Variants in ALK observed in about 807,000 individuals in gnomAD.
The protein encoded by ALK is ALK tyrosine kinase receptor.
In ALK, 74 loss-of-function variants were observed where a neutral mutation model predicts 163.1. The ratio of observed to expected loss-of-function variants is 0.45; its 90% CI spans 0.38 to 0.55. The LOEUF is 0.55. ALK is among the 20% of genes least tolerant of loss of function. ALK has a pLI of 0.00. For missense variants in ALK, 2,063 were observed against 2,105.3 expected (o/e 0.98, Z 0.39); for synonymous variants, 960 against 843.2 (o/e 1.14, Z -2.40).
intron 3 of ALK, among the ~76,000 whole-genome samples, chr2:29,672,351 A>G (rs1470897325): frequency 9.2e-6 from 1 of 108,628 alleles, no homozygotes; most frequent in Non-Finnish European, 1.8e-5. Context: ...AACAGTCCCC[A>G]GAGTGTGATG....
At chr2:29,875,837 G>A (rs946149060) in intron 1 of ALK, among the ~76,000 whole-genome samples, 4 of 152,090 alleles carry the variant, frequency 2.6e-5, no homozygotes, top group Non-Finnish European at 5.9e-5. Flanking sequence ...TCATTGATGG[G>A]CATTTTTATT....
chr2:29,373,408 A>G (rs1668681922), intron 5 of ALK, among the ~76,000 whole-genome samples: 1 of 152,152 alleles, frequency 6.6e-6, no homozygotes, highest in African/African-American at 2.4e-5. Flanking sequence ...AAATAGACCA[A>G]TTATTTTAGT....
At position 29,731,059 on chromosome 2, in the gene ALK, G is replaced by T. The variant is rs145694376; in HGVS notation, c.668-13362C>A. 9.4e-3 allele frequency among the ~76,000 whole-genome samples: 1,428 copies of T among 152,302 alleles called. 89 individuals are homozygous for T. The highest frequency in any genetic ancestry group is 0.085 in the Admixed American group (1,307 of 15,296). On this transcript the variant is annotated intron_variant, in intron 1 of 28. Transcript: ENST00000389048. ...AAGCAGGTGGCATGGGTGAGTAAGGGCTTTGAAGGTTGATCTGAGAGCGCC... is the reference window on the plus strand; with the variant it reads ...AAGCAGGTGGCATGGGTGAGTAAGGTCTTTGAAGGTTGATCTGAGAGCGCC...
chr2:29,836,728 A>G (rs571435758), intron 1 of ALK, among the ~76,000 whole-genome samples: 6 of 152,192 alleles, frequency 3.9e-5, no homozygotes, highest in East Asian at 1.9e-4. Context: ...TCCAAAATCT[A>G]TTTACTTTCT....
At chr2:29,315,939 C>T (rs146468725) in intron 8 of ALK, among the ~76,000 whole-genome samples, 1 of 152,224 alleles carries the variant, frequency 6.6e-6, no homozygotes, top group Non-Finnish European at 1.5e-5. Context: ...GAGTCCTGTC[C>T]CCAAAACTCT....
rs144453491 is a variant in ALK at position 29,275,222 on chromosome 2, C to A, written c.1918G>T (p.Gly640Ter). 6.2e-7 allele frequency: 1 copy of A among 1,613,994 alleles called. No homozygotes were observed. Among genetic ancestry groups the A allele is most frequent in the Admixed American group, 1.7e-5 (1 of 59,996 alleles). The change falls in exon 11 of 29, where the codon GGA becomes TGA. Residue 640 changes from glycine to a stop codon, truncating the protein, a stop_gained. Coordinates refer to ENST00000389048, the MANE Select transcript of ALK (RefSeq NM_004304.5). LOFTEE classifies it high-confidence loss of function. ...ISLDCYLTIS[G>*]EDKILQNTAP... ...GTATTCTGCAGGATCTTGTCCTCTC[C>A]GCTAACTGCAATAGAGAAGACCCCA...
intron 3 of ALK, among the ~76,000 whole-genome samples, chr2:29,663,720 CA>C (rs1364584198): frequency 6.6e-6 from 1 of 152,142 alleles, no homozygotes; most frequent in Non-Finnish European, 1.5e-5. Context: ...AAAGATAGGA[CA>C]AAATCTAACT....
intron 3 of ALK, among the ~76,000 whole-genome samples, chr2:29,555,721 C>T (rs1213659220): frequency 6.6e-6 from 1 of 152,194 alleles, no homozygotes; most frequent in African/African-American, 2.4e-5. Flanking sequence ...TTGCATCTTA[C>T]ATCCTAATGG....
chr2:29,627,293 G>A (rs1004299819), intron 3 of ALK, among the ~76,000 whole-genome samples: 5 of 152,152 alleles, frequency 3.3e-5, no homozygotes, highest in African/African-American at 1.2e-4. Context: ...ACCCAGAGAG[G>A]ACAACACAAT....
chr2:29,645,794 A>G (rs576463473), intron 3 of ALK, among the ~76,000 whole-genome samples: 131 of 152,050 alleles, frequency 8.6e-4, no homozygotes, highest in African/African-American at 3.1e-3. Flanking sequence ...CCTTCACCTG[A>G]CTTCTGGGAC....
At chr2:29,397,456 G>T (rs1371941171) in intron 4 of ALK, among the ~76,000 whole-genome samples, 2 of 152,212 alleles carry the variant, frequency 1.3e-5, no homozygotes, top group Admixed American at 6.5e-5. Context: ...AGAACTGTGA[G>T]ACAATGAAGT....
chr2:29,730,127 C>T (rs1679695328), intron 1 of ALK, among the ~76,000 whole-genome samples: 1 of 152,194 alleles, frequency 6.6e-6, no homozygotes, highest in African/African-American at 2.4e-5. Context: ...TTGGCAAGGA[C>T]CTGCCATTAA....
chr2:29,864,076 A>C (rs1666363823), intron 1 of ALK, among the ~76,000 whole-genome samples: 1 of 152,174 alleles, frequency 6.6e-6, no homozygotes, highest in South Asian at 2.1e-4. Flanking sequence ...CCCATTTTTC[A>C]GACTAGAAAA....
chr2:29,392,814 C>T (rs551878231), intron 4 of ALK, among the ~76,000 whole-genome samples: 1 of 152,302 alleles, frequency 6.6e-6, no homozygotes, highest in African/African-American at 2.4e-5. Flanking sequence ...TTAGCACAAG[C>T]TCTACATTTT....
intron 13 of ALK, among the ~76,000 whole-genome samples, chr2:29,233,923 G>C (rs1309566761): frequency 6.6e-6 from 1 of 152,246 alleles, no homozygotes; most frequent in Non-Finnish European, 1.5e-5. Flanking sequence ...GGGAGAGAGA[G>C]AGCAAGGTTT....
chr2:29,331,750 C>A (rs1667445480), intron 5 of ALK, among the ~76,000 whole-genome samples: 1 of 152,136 alleles, frequency 6.6e-6, no homozygotes, highest in Non-Finnish European at 1.5e-5. Flanking sequence ...GCTCACTAAA[C>A]TTGTAACAAC....
intron 3 of ALK, among the ~76,000 whole-genome samples, chr2:29,623,822 A>C (rs1394650734): frequency 6.6e-6 from 1 of 152,250 alleles, no homozygotes; most frequent in Non-Finnish European, 1.5e-5. Flanking sequence ...CCTTTATAAC[A>C]GAACAATATT....
At chr2:29,769,466 A>G (rs1029311476) in intron 1 of ALK, among the ~76,000 whole-genome samples, 1 of 152,162 alleles carries the variant, frequency 6.6e-6, no homozygotes, top group African/African-American at 2.4e-5. Context: ...GTGGTTGGAC[A>G]GGAGAAAACA....
In ALK at chr2:29,318,719, A is replaced by T. The variant is rs982896079; in HGVS notation, c.1547-315T>A. Among the ~76,000 whole-genome samples the T allele has an allele frequency of 2.0e-5, 3 of 152,006 alleles. No individual in the cohort carries two copies. The Middle Eastern group carries it at 0.01, about 517-fold the overall frequency. Reference sequence around the variant, plus strand: ...GTGGCAGACTACACAGGCGCCTGCCACCACGCCCGGCTAATTTTTTGTATT... The same window carrying T: ...GTGGCAGACTACACAGGCGCCTGCCTCCACGCCCGGCTAATTTTTTGTATT... On this transcript the variant is annotated intron_variant, in intron 7 of 28. Coordinates refer to ENST00000389048, the MANE Select transcript of ALK (RefSeq NM_004304.5).
Sources: allele counts gnomAD v4.1 joint callset (sites outside exome capture counted in the v4.1 genomes callset), GRCh38; gene constraint gnomAD v4.1.1; transcripts MANE v1.5; gene names NCBI Gene and HGNC (gene_info 2026-07-23, HGNC 2026-07-21).